The following IMMP2L variants were observed in gnomAD, a reference collection of about 807,000 sequenced individuals.
The protein encoded by IMMP2L is inner mitochondrial membrane peptidase subunit 2, also known as mitochondrial inner membrane protease subunit 2.
Under a neutral mutation model 19.3 loss-of-function variants are expected in IMMP2L, and 18 were observed. That is an observed-to-expected ratio of 0.93 (90% CI 0.64 to 1.38). IMMP2L has a LOEUF of 1.38. IMMP2L is among the 40% of genes most tolerant of loss of function. IMMP2L has a pLI of 0.00. For synonymous variants in IMMP2L, 76 were observed against 73.0 expected (o/e 1.04, Z -0.21); for missense variants, 233 against 218.2 (o/e 1.07, Z -0.43).
intron 3 of IMMP2L, among the ~76,000 whole-genome samples, chr7:111,431,369 G>T (rs762503060): frequency 2.6e-5 from 4 of 151,836 alleles, no homozygotes; most frequent in Non-Finnish European, 5.9e-5. Context: ...GAGCAAGTCA[G>T]TTTGCTTGGT....
At chr7:111,005,539 T>A (rs1467566062) in intron 3 of IMMP2L, among the ~76,000 whole-genome samples, 1 of 152,176 alleles carries the variant, frequency 6.6e-6, no homozygotes, top group Non-Finnish European at 1.5e-5. Context: ...GTCCAACATC[T>A]GTTGATCTCA....
chr7:110,745,662 G>A (rs1797286797), intron 5 of IMMP2L, among the ~76,000 whole-genome samples: 1 of 152,142 alleles, frequency 6.6e-6, no homozygotes, highest in South Asian at 2.1e-4. Context: ...AGCTTCATAA[G>A]TGAAGGAGAA....
rs1229635005 is a variant in IMMP2L, at chr7:110,971,776, C to T, written c.240-8211G>A. On this transcript the variant is annotated intron_variant, in intron 3 of 5. Coordinates refer to ENST00000405709, the MANE Select transcript of IMMP2L (RefSeq NM_032549.4). Reference sequence around the variant, plus strand: ...ATGGCCTGAAAATTTGTATCCATTCCATTGTCTTTATTGCATATCTCTTTT... The same window carrying T: ...ATGGCCTGAAAATTTGTATCCATTCTATTGTCTTTATTGCATATCTCTTTT... 5.3e-5 allele frequency among the ~76,000 whole-genome samples: 8 copies of T among 151,918 alleles called. 1 individual carries two copies.
chr7:111,043,894 T>C (rs1792129753), intron 3 of IMMP2L, among the ~76,000 whole-genome samples: 1 of 152,230 alleles, frequency 6.6e-6, no homozygotes, highest in South Asian at 2.1e-4. Context: ...GAATGACTAA[T>C]AATTTTGTCA....
chr7:111,435,802 C>A (rs1449450687), intron 3 of IMMP2L, among the ~76,000 whole-genome samples: 1 of 151,890 alleles, frequency 6.6e-6, no homozygotes, highest in Non-Finnish European at 1.5e-5. Flanking sequence ...ATCTCACTTT[C>A]ATTTAGTTAG....
At chr7:111,120,016 G>A (rs780985775) in intron 3 of IMMP2L, among the ~76,000 whole-genome samples, 2 of 152,128 alleles carry the variant, frequency 1.3e-5, no homozygotes, top group Non-Finnish European at 2.9e-5. Flanking sequence ...AAGTATTCCA[G>A]GCAGAGTGAT....
intron 3 of IMMP2L, among the ~76,000 whole-genome samples, chr7:110,967,983 C>T (rs1819729188): frequency 1.3e-5 from 2 of 152,036 alleles, no homozygotes; most frequent in Non-Finnish European, 2.9e-5. Flanking sequence ...GGCTCTTCCT[C>T]TGCTTCTTTT....
At chr7:111,311,209 G>C (rs1424792032) in intron 3 of IMMP2L, among the ~76,000 whole-genome samples, 2 of 151,940 alleles carry the variant, frequency 1.3e-5, no homozygotes, top group Admixed American at 1.3e-4. Context: ...ACTGGACAAT[G>C]ATCACAAGGT....
At chr7:110,977,257 A>G (rs1253787576) in intron 3 of IMMP2L, among the ~76,000 whole-genome samples, 3 of 151,996 alleles carry the variant, frequency 2.0e-5, no homozygotes, top group African/African-American at 4.8e-5. Context: ...TTTAGGGTTC[A>G]GGCCCAAATA....
At chr7:111,302,848 T>C (rs1375882899) in intron 3 of IMMP2L, among the ~76,000 whole-genome samples, 1 of 151,464 alleles carries the variant, frequency 6.6e-6, no homozygotes, top group Non-Finnish European at 1.5e-5. Context: ...TGAAAGAGAG[T>C]TTTCTTAATA....
intron 5 of IMMP2L, among the ~76,000 whole-genome samples, chr7:110,830,191 C>T (rs1031208744): frequency 1.3e-5 from 2 of 152,074 alleles, no homozygotes; most frequent in Non-Finnish European, 1.5e-5. Flanking sequence ...GAAAAAGGGA[C>T]ATTCTAATCT....
chr7:111,450,944 A>C (rs1839089831), intron 3 of IMMP2L, among the ~76,000 whole-genome samples: 1 of 151,764 alleles, frequency 6.6e-6, no homozygotes, highest in Non-Finnish European at 1.5e-5. Flanking sequence ...ATGCAGCCAA[A>C]AAACACATGA....
intron 3 of IMMP2L, among the ~76,000 whole-genome samples, chr7:111,135,527 C>G (rs1802250949): frequency 6.6e-6 from 1 of 152,114 alleles, no homozygotes; most frequent in Non-Finnish European, 1.5e-5. Flanking sequence ...ACCCTGTGAT[C>G]TTTAAATACT....
At chr7:111,141,177 A>T (rs1371548784) in intron 3 of IMMP2L, among the ~76,000 whole-genome samples, 3 of 149,974 alleles carry the variant, frequency 2.0e-5, no homozygotes, top group African/African-American at 7.3e-5. Flanking sequence ...ATTAACTCAG[A>T]TTTTTTTTTT....
intron 3 of IMMP2L, among the ~76,000 whole-genome samples, chr7:111,071,413 G>A (rs986892208): frequency 2.6e-5 from 4 of 151,846 alleles, no homozygotes; most frequent in African/African-American, 7.3e-5. Context: ...CTAAAAATAC[G>A]TACTCAAGCA....
intron 3 of IMMP2L, among the ~76,000 whole-genome samples, chr7:110,970,104 A>G (rs190939184): frequency 6.6e-6 from 1 of 151,964 alleles, no homozygotes; most frequent in Non-Finnish European, 1.5e-5. Flanking sequence ...CTTATTAGTG[A>G]ATCAGCCTGG....
rs371631610 is a variant in IMMP2L, at chr7:111,163,668, G to A, written c.240-200103C>T. On this transcript the variant is annotated intron_variant, in intron 3 of 5. Coordinates refer to ENST00000405709, the MANE Select transcript of IMMP2L (RefSeq NM_032549.4). The stretch of plus-strand genomic sequence containing the variant: ...TTTAGATGAGGGTAGGAAGGGATAA[G>A]GGGCTTGATAGATTTTCTATAGGTT... 1.1e-4 allele frequency among the ~76,000 whole-genome samples: 17 copies of A among 152,144 alleles called. No individual in the cohort carries two copies. In the East Asian group the frequency reaches 2.3e-3, roughly 21 times the overall value.
At chr7:110,963,201 T>C (rs986844000) in intron 4 of IMMP2L, 2 of 795,710 alleles carry the variant, frequency 2.5e-6, no homozygotes, top group African/African-American at 3.5e-5. Context: ...CTTAAAATAG[T>C]CATGCTACTT....
chr7:111,422,433 C>T (rs555927614), intron 3 of IMMP2L, among the ~76,000 whole-genome samples: 8,665 of 151,728 alleles, frequency 0.057, 372 homozygotes, highest in South Asian at 0.083. Context: ...GAAGAGGTCA[C>T]CACATCCCTT....
Sources: allele counts gnomAD v4.1 joint callset (sites outside exome capture counted in the v4.1 genomes callset), GRCh38; gene constraint gnomAD v4.1.1; transcripts MANE v1.5; gene names NCBI Gene and HGNC (gene_info 2026-07-23, HGNC 2026-07-21).